WWC2: variants seen among roughly 807,000 people sequenced by gnomAD.
The protein encoded by WWC2 is protein WWC2.
In WWC2, 101 loss-of-function variants were observed where a neutral mutation model predicts 138.5. The ratio of observed to expected loss-of-function variants is 0.73; its 90% CI spans 0.62 to 0.86. The LOEUF is 0.86. Among genes scored for constraint, WWC2 ranks in the 40% least tolerant of loss-of-function variants. The pLI is 0.00. For synonymous variants in WWC2, 558 were observed against 538.4 expected (o/e 1.04, Z -0.50); for missense variants, 1,420 against 1,419.4 (o/e 1.00, Z -0.01).
chr4:183,202,461 T>C (rs1444889888), intron 2 of WWC2, among the ~76,000 whole-genome samples: 1 of 152,214 alleles, frequency 6.6e-6, no homozygotes, highest in African/African-American at 2.4e-5. Flanking sequence ...AGTGCAACAT[T>C]ATGTGTCATA....
chr4:183,153,780 G>T (rs1482548850), intron 1 of WWC2, among the ~76,000 whole-genome samples: 1 of 150,958 alleles, frequency 6.6e-6, no homozygotes, highest in Non-Finnish European at 1.5e-5. Flanking sequence ...TGAGAAACTG[G>T]GACCACAGGT....
chr4:183,170,647 G>A (rs146570852), intron 1 of WWC2, among the ~76,000 whole-genome samples: 13 of 152,164 alleles, frequency 8.5e-5, no homozygotes, highest in African/African-American at 2.2e-4. Flanking sequence ...TTGAGAGCAC[G>A]GTAGAAATAA....
intron 19 of WWC2, 102 bp downstream of exon 19, chr4:183,284,492 C>A: frequency 7.7e-7 from 1 of 1,303,240 alleles, no homozygotes; most frequent in Non-Finnish European, 1.0e-6. Flanking sequence ...TGGGAGTCCA[C>A]ATGACAACGA....
rs529792539 is a variant in WWC2 at position 183,124,977 on chromosome 4, A to G, written c.131+25355A>G. Among the ~76,000 whole-genome samples, 91 of 152,308 alleles carry G rather than the reference A, an allele frequency of 6.0e-4. 3 individuals are homozygous for G. In the South Asian group the frequency reaches 0.018, roughly 31 times the overall value. On this transcript the variant is annotated intron_variant, in intron 1 of 22. Transcript: ENST00000403733. Reference sequence around the variant, plus strand: ...ATTTTTCTGATGGAATGTGTAGCCAAAGAAATAGTCCCAAGAGCAGGAAGC... The same window carrying G: ...ATTTTTCTGATGGAATGTGTAGCCAGAGAAATAGTCCCAAGAGCAGGAAGC...
intron 10 of WWC2, 25 bp downstream of exon 10, chr4:183,259,753 G>GA: frequency 6.8e-7 from 1 of 1,466,886 alleles, no homozygotes; most frequent in East Asian, 2.5e-5. Context: ...TTTTTGAGGG[G>GA]AAAGCTTTTC....
chr4:183,164,265 C>CAT (rs1300397704), intron 1 of WWC2, among the ~76,000 whole-genome samples: 3 of 72,844 alleles, frequency 4.1e-5, no homozygotes, highest in African/African-American at 1.7e-4. Flanking sequence ...TTGGTGTGCG[C>CAT]ATATATATAT....
intron 5 of WWC2, among the ~76,000 whole-genome samples, chr4:183,244,878 C>T (rs1736722392): frequency 6.6e-6 from 1 of 151,974 alleles, no homozygotes. Flanking sequence ...ATCATTCAAA[C>T]AGATTGAAGG....
At chr4:183,164,585 G>A (rs1409640514) in intron 1 of WWC2, among the ~76,000 whole-genome samples, 1 of 151,838 alleles carries the variant, frequency 6.6e-6, no homozygotes, top group Non-Finnish European at 1.5e-5. Context: ...TCACACTGTT[G>A]GAGAAAAACC....
intron 14 of WWC2, 86 bp from the exon 15 acceptor site, chr4:183,268,885 C>T: frequency 1.5e-6 from 2 of 1,346,830 alleles, no homozygotes; most frequent in South Asian, 1.4e-5. Flanking sequence ...CTCATTTTCT[C>T]TCTTTGCAGA....
intron 2 of WWC2, among the ~76,000 whole-genome samples, chr4:183,200,199 A>G (rs1294322998): frequency 7.0e-6 from 1 of 143,228 alleles, no homozygotes; most frequent in African/African-American, 2.6e-5. Context: ...GTTTATTATC[A>G]TCATCATTAT....
intron 6 of WWC2, among the ~76,000 whole-genome samples, chr4:183,247,049 G>GCATCT (rs1736801773): frequency 6.6e-6 from 1 of 152,146 alleles, no homozygotes; most frequent in South Asian, 2.1e-4. Flanking sequence ...TGCAGAGATT[G>GCATCT]ACAATAGAGT....
intron 16 of WWC2, among the ~76,000 whole-genome samples, chr4:183,280,524 A>G (rs927550018): frequency 3.9e-5 from 6 of 151,920 alleles, no homozygotes; most frequent in Admixed American, 2.0e-4. Flanking sequence ...GCCATGGCTC[A>G]CCTTATTATA....
chr4:183,179,433 G>A (rs1734559658), intron 1 of WWC2, among the ~76,000 whole-genome samples: 1 of 152,142 alleles, frequency 6.6e-6, no homozygotes, highest in Non-Finnish European at 1.5e-5. Context: ...AGGGATGAGA[G>A]TGGAAATGTA....
intron 21 of WWC2, among the ~76,000 whole-genome samples, chr4:183,290,219 A>G (rs555730089): frequency 2.0e-5 from 3 of 152,330 alleles, no homozygotes; most frequent in African/African-American, 7.2e-5. Flanking sequence ...CACTGATTAA[A>G]AAATAGAGTA....
chr4:183,140,036 T>G (rs1733251643), intron 1 of WWC2, among the ~76,000 whole-genome samples: 1 of 152,212 alleles, frequency 6.6e-6, no homozygotes, highest in Non-Finnish European at 1.5e-5. Flanking sequence ...GGTCTCGAAC[T>G]CCTGACCTCA....
chr4:183,204,795 A>G (rs1303716680), intron 2 of WWC2, among the ~76,000 whole-genome samples: 1 of 152,164 alleles, frequency 6.6e-6, no homozygotes, highest in African/African-American at 2.4e-5. Flanking sequence ...TGCTGGGCCC[A>G]GGCAATCACT....
At position 183,263,350 on chromosome 4, in the gene WWC2, C is replaced by T. The variant is rs75956115; in HGVS notation, c.1910-1628C>T. ...CTAAAGTCTGTCACCCACCCAGTAA[C>T]CCTGAGGTCTGGGAGTCCTGTCTTG... On this transcript the variant is annotated intron_variant, in intron 11 of 22. Coordinates refer to ENST00000403733, the MANE Select transcript of WWC2 (RefSeq NM_024949.6). 5.5e-3 allele frequency among the ~76,000 whole-genome samples: 833 copies of T among 152,266 alleles called. 7 individuals carry two copies. The highest frequency in any genetic ancestry group is 0.019 in the African/African-American group (808 of 41,550).
At chr4:183,123,580 G>GTCTA (rs1338708803) in intron 1 of WWC2, among the ~76,000 whole-genome samples, 1 of 152,092 alleles carries the variant, frequency 6.6e-6, no homozygotes, top group Non-Finnish European at 1.5e-5. Context: ...GTGTAAGGGG[G>GTCTA]TCTATCCTGA....
intron 1 of WWC2, among the ~76,000 whole-genome samples, chr4:183,130,153 C>T (rs981906865): frequency 3.3e-5 from 5 of 151,300 alleles, no homozygotes; most frequent in East Asian, 3.9e-4. Context: ...CCTGGGTTCA[C>T]GCCATTCTCC....
Sources: allele counts gnomAD v4.1 joint callset (sites outside exome capture counted in the v4.1 genomes callset), GRCh38; gene constraint gnomAD v4.1.1; transcripts MANE v1.5; gene names NCBI Gene and HGNC (gene_info 2026-07-23, HGNC 2026-07-21).